TTC33: variants seen among roughly 807,000 people sequenced by gnomAD.
The protein encoded by TTC33 is tetratricopeptide repeat domain 33.
In TTC33, 24 loss-of-function variants were observed where a neutral mutation model predicts 29.4. The observed-to-expected ratio is 0.82, with a 90% confidence interval of 0.59 to 1.15. TTC33 has a LOEUF of 1.15. Among genes scored for constraint, TTC33 ranks in the 50% most tolerant of loss-of-function variants. The pLI, the probability that TTC33 is intolerant of heterozygous loss-of-function variation, is 0.00. For missense variants in TTC33, 286 were observed against 310.4 expected (o/e 0.92, Z 0.59); for synonymous variants, 107 against 100.3 (o/e 1.07, Z -0.40).
At chr5:40,718,405 C>A (rs1484920983) in intron 4 of TTC33, among the ~76,000 whole-genome samples, 5 of 149,758 alleles carry the variant, frequency 3.3e-5, no homozygotes, top group African/African-American at 9.8e-5. Flanking sequence ...GACTCTGTCT[C>A]AAAAAAAATA....
chr5:40,718,300 G>T (rs1742049984), intron 4 of TTC33, among the ~76,000 whole-genome samples: 1 of 151,892 alleles, frequency 6.6e-6, no homozygotes, highest in African/African-American at 2.4e-5. Flanking sequence ...CAGCTACTTA[G>T]GAGGCTGAGG....
chr5:40,722,330 C>A (rs1489865582), intron 4 of TTC33, among the ~76,000 whole-genome samples: 2 of 152,168 alleles, frequency 1.3e-5, no homozygotes, highest in Admixed American at 6.5e-5. Context: ...GCCGCCACCC[C>A]GTCTAGGAAG....
rs1742002162 is a variant in TTC33, at chr5:40,716,464, T to C, written c.470A>G (p.Tyr157Cys). The C allele has an allele frequency of 6.2e-7, 1 of 1,612,238 alleles. No homozygotes were observed. The highest frequency in any genetic ancestry group is 8.5e-7 in the Non-Finnish European group (1 of 1,179,384). The change falls in exon 5 of 5, where the codon TAT becomes TGT. Residue 157 changes from tyrosine (Y) to cysteine (C), a missense_variant. Tyr to Cys is a radical substitution (Grantham distance 194). Coordinates refer to ENST00000337702, the MANE Select transcript of TTC33 (RefSeq NM_012382.3). ...TTTCCATATTTCAGGGTTCATTGGA[T>C]AGATGTGAAGGGCTACTTGAAAACT... ...IRSFQVALHIYPMNPEIWKED... is the reference protein window; with the variant it reads ...IRSFQVALHICPMNPEIWKED...
At chr5:40,746,134 G>A (rs959100727) in intron 2 of TTC33, among the ~76,000 whole-genome samples, 3 of 151,952 alleles carry the variant, frequency 2.0e-5, no homozygotes, top group African/African-American at 7.3e-5. Flanking sequence ...TAAAAAATTT[G>A]TCTTTTCCCC....
At chr5:40,719,524 T>G (rs1742080957) in intron 4 of TTC33, among the ~76,000 whole-genome samples, 1 of 152,252 alleles carries the variant, frequency 6.6e-6, no homozygotes, top group African/African-American at 2.4e-5. Flanking sequence ...TATGTAAATG[T>G]TTTTGTGTGG....
At chr5:40,745,656 A>G (rs933996241) in intron 2 of TTC33, among the ~76,000 whole-genome samples, 2 of 151,538 alleles carry the variant, frequency 1.3e-5, no homozygotes, top group African/African-American at 4.9e-5. Flanking sequence ...CTCAAAGCAC[A>G]GAAATTACAG....
chr5:40,744,410 G>T (rs1742753401), intron 2 of TTC33, among the ~76,000 whole-genome samples: 2 of 148,764 alleles, frequency 1.3e-5, no homozygotes, highest in South Asian at 4.2e-4. Flanking sequence ...AGACCTAAAA[G>T]CTAATATATT....
chr5:40,740,118 T>C (rs1742662161), intron 2 of TTC33, among the ~76,000 whole-genome samples: 1 of 152,130 alleles, frequency 6.6e-6, no homozygotes, highest in African/African-American at 2.4e-5. Flanking sequence ...TTGTTATATA[T>C]TTACTTCTAT....
chr5:40,749,207 C>G (rs1742852144), intron 1 of TTC33, among the ~76,000 whole-genome samples: 1 of 152,048 alleles, frequency 6.6e-6, no homozygotes, highest in African/African-American at 2.4e-5. Flanking sequence ...TAACAGAAAT[C>G]CTGAAATAAT....
At chr5:40,752,197 T>C (rs1049951924) in intron 1 of TTC33, among the ~76,000 whole-genome samples, 2 of 152,252 alleles carry the variant, frequency 1.3e-5, no homozygotes, top group Non-Finnish European at 2.9e-5. Flanking sequence ...TTGCTCTAAA[T>C]GAGGCTCCTG....
chr5:40,736,841 T>C (rs368560980), intron 2 of TTC33, among the ~76,000 whole-genome samples: 3 of 152,136 alleles, frequency 2.0e-5, no homozygotes, highest in Admixed American at 1.3e-4. Context: ...AGTTGGGATT[T>C]GAATGGAGGT....
At chr5:40,746,142 C>T (rs1289868530) in intron 2 of TTC33, among the ~76,000 whole-genome samples, 1 of 151,792 alleles carries the variant, frequency 6.6e-6, no homozygotes, top group Non-Finnish European at 1.5e-5. Context: ...TTGTCTTTTC[C>T]CCACTGACTA....
intron 1 of TTC33, among the ~76,000 whole-genome samples, chr5:40,748,874 T>C (rs1328703246): frequency 2.0e-5 from 3 of 152,084 alleles, no homozygotes; most frequent in Non-Finnish European, 2.9e-5. Flanking sequence ...GTGGCTCACG[T>C]CTGTAATCCT....
At chr5:40,740,556 G>A (rs1173811915) in intron 2 of TTC33, among the ~76,000 whole-genome samples, 1 of 152,050 alleles carries the variant, frequency 6.6e-6, no homozygotes, top group African/African-American at 2.4e-5. Flanking sequence ...ATATCTCATG[G>A]CTTTTCTCCA....
At chr5:40,741,346 CCATCAAAGACACTCCATTCTGAATGG>C (rs1314141411) in intron 2 of TTC33, among the ~76,000 whole-genome samples, 21 of 152,280 alleles carry the variant, frequency 1.4e-4, no homozygotes, top group Non-Finnish European at 1.0e-4. Flanking sequence ...TTTCTGGTGA[CCATCAAAGACACTCCATTCTGAATGG>C]CTGAAGCTTG....
chr5:40,750,747 C>G (rs1489352784), intron 1 of TTC33, among the ~76,000 whole-genome samples: 2 of 152,110 alleles, frequency 1.3e-5, no homozygotes, highest in African/African-American at 4.8e-5. Flanking sequence ...ATATAATGTA[C>G]TCTAAGTCCT....
intron 2 of TTC33, among the ~76,000 whole-genome samples, chr5:40,740,903 G>T (rs1363974188): frequency 6.6e-6 from 1 of 152,106 alleles, no homozygotes; most frequent in African/African-American, 2.4e-5. Context: ...TTTTATTTCA[G>T]ATATCGTATT....
rs1742625533 is a variant in TTC33 at position 40,738,648 on chromosome 5, A to G, written c.221+8150T>C. Among the ~76,000 whole-genome samples the G allele has an allele frequency of 3.3e-5, 5 of 151,842 alleles. No homozygotes were observed. The South Asian group carries it at 1.0e-3, about 31-fold the overall frequency. The stretch of plus-strand genomic sequence containing the variant: ...GACAGTTTGCCAAAGAGGTAAAGCT[A>G]TTTTACATTTTCATGAGCAATGTAT... On this transcript the variant is annotated intron_variant, in intron 2 of 4. Transcript: ENST00000337702.
At chr5:40,718,082 C>A (rs1005352224) in intron 4 of TTC33, among the ~76,000 whole-genome samples, 1 of 150,752 alleles carries the variant, frequency 6.6e-6, no homozygotes, top group Admixed American at 6.6e-5. Context: ...AAAGATTGCA[C>A]ATAATCTACA....
Sources: allele counts gnomAD v4.1 joint callset (sites outside exome capture counted in the v4.1 genomes callset), GRCh38; gene constraint gnomAD v4.1.1; transcripts MANE v1.5; gene names NCBI Gene and HGNC (gene_info 2026-07-23, HGNC 2026-07-21).